The following NPSR1 variants were observed in gnomAD, a reference collection of about 807,000 sequenced individuals.
NPSR1 encodes neuropeptide S receptor 1, also known as neuropeptide S receptor.
In NPSR1, 48 loss-of-function variants were observed where a neutral mutation model predicts 46.9. The observed-to-expected ratio is 1.02, with a 90% CI of 0.81 to 1.30. The LOEUF is 1.30. Ranked by LOEUF, NPSR1 falls within the 50% of genes most tolerant of loss-of-function variation. The pLI is 0.00. For missense variants in NPSR1, 450 were observed against 449.5 expected (o/e 1.00, Z -0.01); for synonymous variants, 176 against 168.1 (o/e 1.05, Z -0.36).
At chr7:34,853,680 G>A (rs2128766487), downstream of NPSR1, among the ~76,000 whole-genome samples, 1 of 152,256 alleles carries the variant, frequency 6.6e-6, no homozygotes, top group East Asian at 1.9e-4. Flanking sequence ...TTTTTACACG[G>A]CCGGGCATGG....
chr7:34,806,607 AC>A (rs1023998819), intron 3 of NPSR1, among the ~76,000 whole-genome samples: 2 of 152,070 alleles, frequency 1.3e-5, no homozygotes, highest in Non-Finnish European at 2.9e-5. Flanking sequence ...AATGGTCAAA[AC>A]CCATAGAACT....
downstream of NPSR1, among the ~76,000 whole-genome samples, chr7:34,850,519 G>A (rs182017179): frequency 6.7e-6 from 1 of 150,374 alleles, no homozygotes; most frequent in Non-Finnish European, 1.5e-5. Context: ...TCCTGCCTCA[G>A]CCTCCCGAGT....
At chr7:34,724,325 G>A (rs981449483) in intron 2 of NPSR1, among the ~76,000 whole-genome samples, 4 of 152,190 alleles carry the variant, frequency 2.6e-5, no homozygotes, top group South Asian at 4.1e-4. Flanking sequence ...CTAGAGTTTG[G>A]CAGCCTTTGT....
intron 4 of NPSR1, among the ~76,000 whole-genome samples, chr7:34,818,999 A>G (rs1427317193): frequency 6.6e-6 from 1 of 152,234 alleles, no homozygotes; most frequent in Non-Finnish European, 1.5e-5. Flanking sequence ...CATTCAGGAC[A>G]TAGGCATGGG....
chr7:34,705,409 T>C (rs1794051283), intron 2 of NPSR1, among the ~76,000 whole-genome samples: 1 of 141,942 alleles, frequency 7.0e-6, no homozygotes, highest in Non-Finnish European at 1.5e-5. Flanking sequence ...CACTCCAGCC[T>C]GGGCAGCAGA....
intron 2 of NPSR1, among the ~76,000 whole-genome samples, chr7:34,764,888 T>C (rs1305358261): frequency 2.0e-5 from 3 of 152,180 alleles, no homozygotes; most frequent in African/African-American, 4.8e-5. Context: ...CACTGGCCTA[T>C]ATGGGTCTGT....
rs1787365187 is a variant in NPSR1 at position 34,784,337 on chromosome 7, T to G, written c.384+5772T>G. Among the ~76,000 whole-genome samples, 6 of 152,264 alleles carry G rather than the reference T, an allele frequency of 3.9e-5. 1 individual carries two copies. The South Asian group carries it at 1.2e-3, about 32-fold the overall frequency. On this transcript the variant is annotated intron_variant, in intron 3 of 8. Coordinates refer to ENST00000360581, the MANE Select transcript of NPSR1 (RefSeq NM_207172.2). Reference sequence around the variant, plus strand: ...CTGTGGGTTTGTCATAGATAGCTCTTATTATTTTGAGATACATCCCATCAA... The same window carrying G: ...CTGTGGGTTTGTCATAGATAGCTCTGATTATTTTGAGATACATCCCATCAA...
intron 2 of NPSR1, among the ~76,000 whole-genome samples, chr7:34,716,160 T>C (rs192024938): frequency 6.6e-6 from 1 of 152,062 alleles, no homozygotes; most frequent in Non-Finnish European, 1.5e-5. Flanking sequence ...AAAACACACC[T>C]GAGATGAAAA....
At chr7:34,690,120 C>T (rs553464670) in intron 2 of NPSR1, among the ~76,000 whole-genome samples, 2 of 152,114 alleles carry the variant, frequency 1.3e-5, no homozygotes, top group East Asian at 3.9e-4. Flanking sequence ...GGAAAGCCAC[C>T]ATACAAAGAC....
chr7:34,782,030 C>T (rs192734032), intron 3 of NPSR1, among the ~76,000 whole-genome samples: 1 of 152,292 alleles, frequency 6.6e-6, no homozygotes, highest in East Asian at 1.9e-4. Flanking sequence ...ACAGCAGGGG[C>T]ACCTGTGCCC....
chr7:34,669,851 C>A (rs1791957113), intron 1 of NPSR1, among the ~76,000 whole-genome samples: 1 of 152,154 alleles, frequency 6.6e-6, no homozygotes, highest in Non-Finnish European at 1.5e-5. Context: ...CTCTAACTAT[C>A]CAAGTTGGAG....
At chr7:34,750,425 C>T (rs553620588) in intron 2 of NPSR1, 33 of 744,244 alleles carry the variant, frequency 4.4e-5, no homozygotes, top group South Asian at 3.6e-4. Context: ...ATGGGTAGTA[C>T]GACGGGGCTC....
At chr7:34,675,196 A>T (rs1792256223) in intron 1 of NPSR1, among the ~76,000 whole-genome samples, 1 of 152,228 alleles carries the variant, frequency 6.6e-6, no homozygotes, top group Non-Finnish European at 1.5e-5. Context: ...TTCTTAAATG[A>T]TGCTTGGCAC....
chr7:34,794,810 C>T (rs1013548066), intron 3 of NPSR1, among the ~76,000 whole-genome samples: 1 of 152,088 alleles, frequency 6.6e-6, no homozygotes, highest in Admixed American at 6.6e-5. Flanking sequence ...GTCAATCCAA[C>T]AAATTTATAA....
chr7:34,727,685 C>T (rs1054888461), intron 2 of NPSR1, among the ~76,000 whole-genome samples: 1 of 152,198 alleles, frequency 6.6e-6, no homozygotes, highest in African/African-American at 2.4e-5. Flanking sequence ...CAGTAAAGAG[C>T]ATGTGGTTCT....
intron 3 of NPSR1, among the ~76,000 whole-genome samples, chr7:34,781,671 A>C (rs1197589631): frequency 1.3e-5 from 2 of 152,160 alleles, no homozygotes; most frequent in Admixed American, 1.3e-4. Flanking sequence ...CCCAAGAAGC[A>C]GTTGCTGTCG....
chr7:34,756,974 T>G (rs951007504), intron 2 of NPSR1, among the ~76,000 whole-genome samples: 1 of 152,212 alleles, frequency 6.6e-6, no homozygotes, highest in Non-Finnish European at 1.5e-5. Flanking sequence ...CTTCTTCAGA[T>G]AGTTACGATG....
At chr7:34,848,326 A>C (rs1790812943) in intron 7 of NPSR1, among the ~76,000 whole-genome samples, 157 bp from the exon 8 acceptor site, 1 of 152,206 alleles carries the variant, frequency 6.6e-6, no homozygotes, top group African/African-American at 2.4e-5. Context: ...TGTTTAAGTG[A>C]ATATGACATC....
intron 1 of NPSR1, among the ~76,000 whole-genome samples, chr7:34,659,830 G>A (rs147474497): frequency 6.6e-6 from 1 of 152,312 alleles, no homozygotes; most frequent in African/African-American, 2.4e-5. Flanking sequence ...CAGAGAGTCT[G>A]TCTTGGCAGG....
Sources: allele counts gnomAD v4.1 joint callset (sites outside exome capture counted in the v4.1 genomes callset), GRCh38; gene constraint gnomAD v4.1.1; transcripts MANE v1.5; gene names NCBI Gene and HGNC (gene_info 2026-07-23, HGNC 2026-07-21).